The following MYO6 variants were observed in gnomAD, a reference collection of about 807,000 sequenced individuals.
The protein encoded by MYO6 is unconventional myosin-VI.
A neutral mutation model predicts 178.7 loss-of-function variants in MYO6; 74 were observed. The observed-to-expected ratio is 0.41, with a 90% CI of 0.34 to 0.50. The LOEUF is 0.50. Ranked by LOEUF, MYO6 falls within the 20% of genes least tolerant of loss-of-function variation. The pLI, the probability that MYO6 is intolerant of heterozygous loss-of-function variation, is 0.09. For missense variants in MYO6, 1,330 were observed against 1,547.4 expected (o/e 0.86, Z 2.36); for synonymous variants, 477 against 504.6 (o/e 0.95, Z 0.73).
chr6:75,840,496 A>G (rs1774111283), intron 7 of MYO6, 89 bp from the exon 8 acceptor site: 1 of 883,042 alleles, frequency 1.1e-6, no homozygotes, highest in Non-Finnish European at 1.9e-6. Context: ...TTTTCTAGAC[A>G]TATATATTAA....
At chr6:75,810,528 C>T (rs1273677941) in intron 1 of MYO6, among the ~76,000 whole-genome samples, 3 of 152,256 alleles carry the variant, frequency 2.0e-5, no homozygotes, top group South Asian at 4.1e-4. Context: ...TATAATGAGG[C>T]ATGTCTGACC....
chr6:75,834,599 T>G (rs1773459455), intron 6 of MYO6, among the ~76,000 whole-genome samples: 1 of 152,156 alleles, frequency 6.6e-6, no homozygotes, highest in Non-Finnish European at 1.5e-5. Context: ...TGTAGTATAG[T>G]TCTTTTAATT....
chr6:75,871,692 C>T (rs1246365195), intron 19 of MYO6, among the ~76,000 whole-genome samples: 1 of 152,116 alleles, frequency 6.6e-6, no homozygotes, highest in Non-Finnish European at 1.5e-5. Context: ...CTGCAAATAT[C>T]TATCTCTTAA....
intron 1 of MYO6, among the ~76,000 whole-genome samples, chr6:75,784,371 G>C (rs565512757): frequency 1.1e-3 from 165 of 152,060 alleles, no homozygotes; most frequent in Non-Finnish European, 2.0e-3. Flanking sequence ...AATAGGATTG[G>C]ACACAGAGAA....
intron 1 of MYO6, among the ~76,000 whole-genome samples, chr6:75,787,724 C>A (rs867779344): frequency 0.017 from 410 of 24,080 alleles, 2 homozygotes; most frequent in African/African-American, 0.018. Flanking sequence ...CTCTCTCTCT[C>A]TCTCTCTATA....
At chr6:75,913,301 G>T (rs1262183782) in intron 33 of MYO6, among the ~76,000 whole-genome samples, 1 of 152,156 alleles carries the variant, frequency 6.6e-6, no homozygotes, top group African/African-American at 2.4e-5. Context: ...AGATTGATAT[G>T]AATGAAATGC....
At chr6:75,888,883 G>C (rs896007836) in intron 25 of MYO6, among the ~76,000 whole-genome samples, 1 of 151,912 alleles carries the variant, frequency 6.6e-6, no homozygotes, top group Admixed American at 6.6e-5. Flanking sequence ...CTCCAATTTT[G>C]TAGGAAAAAA....
intron 1 of MYO6, among the ~76,000 whole-genome samples, chr6:75,753,455 G>GTA (rs58108910): frequency 0.088 from 12,285 of 139,812 alleles, 578 homozygotes; most frequent in East Asian, 0.11. Context: ...GTGTGTGTGT[G>GTA]TATATATATA....
At chr6:75,849,985 G>A (rs915712873) in intron 11 of MYO6, among the ~76,000 whole-genome samples, 1 of 152,244 alleles carries the variant, frequency 6.6e-6, no homozygotes, top group Admixed American at 6.5e-5. Context: ...TAGTTTCAGG[G>A]GAGGGGGAAG....
intron 1 of MYO6, among the ~76,000 whole-genome samples, chr6:75,768,518 C>G (rs931009980): frequency 6.6e-6 from 1 of 151,658 alleles, no homozygotes; most frequent in Non-Finnish European, 1.5e-5. Flanking sequence ...GTAGCTGGGA[C>G]TACAGGCGCC....
intron 28 of MYO6, among the ~76,000 whole-genome samples, chr6:75,894,573 C>G (rs1355863627): frequency 2.2e-5 from 3 of 133,726 alleles, no homozygotes; most frequent in Non-Finnish European, 5.1e-5. Flanking sequence ...GAATGATGTT[C>G]TATACAGATA....
Position 75,879,918 on chromosome 6 carries a change from C to T in MYO6, c.2176C>T (p.Leu726Phe). The T allele has an allele frequency of 1.2e-6, 2 of 1,614,142 alleles. No homozygotes were observed. The highest frequency in any genetic ancestry group is 1.7e-6 in the Non-Finnish European group (2 of 1,180,000). ...NMYKKYMPDK[L>F]ARLDPRLFCK... ...GTACAAAAAGTATATGCCAGATAAA[C>T]TTGCAAGATTGGATCCAAGACTATT... is the stretch of plus-strand genomic sequence containing the variant. Residue 726 changes from leucine (L) to phenylalanine (F), a missense_variant, in exon 21 of 35, where the codon CTT (leucine) becomes TTT (phenylalanine). Leu to Phe is a conservative substitution (Grantham distance 22, BLOSUM62 0). Around this residue, in one of 3 missense-constraint regions of MYO6, gnomAD observed 613 missense variants for 816.8 expected, o/e 0.75. Transcript: ENST00000369977.
chr6:75,908,398 A>G, intron 31 of MYO6, 98 bp from the exon 32 acceptor site: 5 of 1,188,126 alleles, frequency 4.2e-6, no homozygotes, highest in Non-Finnish European at 4.8e-6. Context: ...TAATTTAAAA[A>G]TAAAAAAATC....
intron 1 of MYO6, chr6:75,768,162 T>A (rs966106831): frequency 6.6e-6 from 1 of 152,194 alleles, no homozygotes; most frequent in Admixed American, 6.5e-5. Context: ...TGAGCACCTC[T>A]CAGTGTTTTT....
chr6:75,898,264 T>C (rs1220728011), intron 29 of MYO6, 109 bp from the exon 30 acceptor site: 11 of 716,658 alleles, frequency 1.5e-5, no homozygotes, highest in Non-Finnish European at 2.5e-5. Flanking sequence ...TATGAACAGT[T>C]GTTAAATAAT....
Position 75,829,253 on chromosome 6 carries a change from C to A in MYO6, c.261+640C>A, listed in dbSNP as rs145011284. Among the ~76,000 whole-genome samples the A allele has an allele frequency of 2.0e-3, 304 of 152,226 alleles. 1 individual carries two copies. Among genetic ancestry groups the A allele is most frequent in the African/African-American group, 7.0e-3 (290 of 41,560 alleles). On this transcript the variant is annotated intron_variant, in intron 4 of 34. Transcript: ENST00000369977. ...TTACACCAAATCATTCAGATGGATACTTAACCTAGTATGTTTTAATTATAA... is the reference window on the plus strand; with the variant it reads ...TTACACCAAATCATTCAGATGGATAATTAACCTAGTATGTTTTAATTATAA...
Position 75,915,048 on chromosome 6 carries a change from C to T in MYO6, c.*36C>T, listed in dbSNP as rs1218318893. ...CCAGCCTTACAGCTGGGAGCCTTTG[C>T]CATGGTACTTAGGTAGGGTGTGTGC... On this transcript the variant is annotated 3_prime_UTR_variant, in exon 35 of 35. Coordinates refer to ENST00000369977, the MANE Select transcript of MYO6 (RefSeq NM_004999.4). The T allele has an allele frequency of 6.3e-7, 1 of 1,582,258 alleles. No homozygotes were observed. The highest frequency in any genetic ancestry group is 8.6e-7 in the Non-Finnish European group (1 of 1,161,140).
intron 7 of MYO6, 135 bp downstream of exon 7, chr6:75,836,091 C>G: frequency 1.4e-6 from 1 of 720,010 alleles, no homozygotes; most frequent in East Asian, 2.7e-5. Context: ...CATATATCAT[C>G]TTGTTATTTA....
chr6:75,754,284 G>A (rs1777146608), intron 1 of MYO6, among the ~76,000 whole-genome samples: 1 of 152,108 alleles, frequency 6.6e-6, no homozygotes, highest in African/African-American at 2.4e-5. Flanking sequence ...ATTTTGGGAG[G>A]CCAAGGTGGG....
Sources: allele counts gnomAD v4.1 joint callset (sites outside exome capture counted in the v4.1 genomes callset), GRCh38; gene constraint gnomAD v4.1.1; regional missense constraint gnomAD v4.1.1; transcripts MANE v1.5; gene names NCBI Gene and HGNC (gene_info 2026-07-23, HGNC 2026-07-21).